Variants in GRIP1 observed in about 807,000 individuals in gnomAD.
GRIP1 encodes glutamate receptor interacting protein 1, also known as glutamate receptor-interacting protein 1.
A neutral mutation model predicts 129.9 loss-of-function variants in GRIP1; 45 were observed. The ratio of observed to expected loss-of-function variants is 0.35; its 90% CI spans 0.27 to 0.44. The LOEUF is 0.44. GRIP1 is among the 20% of genes least tolerant of loss of function. GRIP1 has a pLI of 1.00. For missense variants in GRIP1, 1,196 were observed against 1,396.8 expected, an observed-to-expected ratio of 0.86 and a Z score of 2.29; for synonymous variants, 530 against 520.8, an observed-to-expected ratio of 1.02 and a Z score of -0.24.
chr12:66,710,283 GGA>G (rs1366966591), intron 1 of GRIP1, among the ~76,000 whole-genome samples: 3 of 151,970 alleles, frequency 2.0e-5, no homozygotes, highest in South Asian at 2.1e-4. Context: ...CTGCCCTTTG[GGA>G]GATTATGAAC....
chr12:66,944,228 C>T (rs148131254), intron 1 of GRIP1, among the ~76,000 whole-genome samples: 150 of 152,184 alleles, frequency 9.9e-4, no homozygotes, highest in African/African-American at 3.4e-3. Flanking sequence ...TAAAGGGACT[C>T]GATAATCTCA....
chr12:66,604,592 T>A (rs2064427788), intron 1 of GRIP1, among the ~76,000 whole-genome samples: 1 of 152,252 alleles, frequency 6.6e-6, no homozygotes, highest in African/African-American at 2.4e-5. Context: ...GAGAGGGCTA[T>A]GTGCTTTAAA....
intron 1 of GRIP1, among the ~76,000 whole-genome samples, chr12:66,847,487 C>G (rs1174006372): frequency 6.6e-6 from 1 of 152,078 alleles, no homozygotes; most frequent in African/African-American, 2.4e-5. Context: ...CAGCTATATG[C>G]TTTAATTTTA....
chr12:66,804,924 T>C (rs1446604548), upstream of GRIP1, among the ~76,000 whole-genome samples: 5 of 152,210 alleles, frequency 3.3e-5, no homozygotes, highest in Non-Finnish European at 7.3e-5. Context: ...GGGAGAAGGC[T>C]CAGCAGCTGC....
chr12:66,510,521 T>A (rs1050578569), intron 7 of GRIP1, among the ~76,000 whole-genome samples: 3 of 152,188 alleles, frequency 2.0e-5, no homozygotes, highest in African/African-American at 7.2e-5. Context: ...TTGACAGGCA[T>A]CTCAGACTTA....
At position 66,764,098 on chromosome 12, in the gene GRIP1, T is replaced by G. The variant is rs758203160; in HGVS notation, c.-420+39955A>C. On this transcript the variant is annotated intron_variant, in intron 1 of 4. Coordinates refer to the GRIP1 transcript ENST00000538373. ...GATGTGGACCATGCAGAGGGGCCATTTGGCTGTCCAAATCAAAACTAGATA... is the reference window on the plus strand; with the variant it reads ...GATGTGGACCATGCAGAGGGGCCATGTGGCTGTCCAAATCAAAACTAGATA... 1.6e-4 allele frequency among the ~76,000 whole-genome samples: 25 copies of G among 152,202 alleles called. 1 individual carries two copies. The highest frequency in any genetic ancestry group is 3.4e-4 in the Non-Finnish European group (23 of 68,042).
At chr12:66,580,520 A>G (rs2063332521) in intron 2 of GRIP1, among the ~76,000 whole-genome samples, 1 of 152,052 alleles carries the variant, frequency 6.6e-6, no homozygotes. Context: ...CCCATCTCAC[A>G]TGCAGAGACA....
intron 1 of GRIP1, among the ~76,000 whole-genome samples, chr12:66,602,386 CG>C (rs11330149): frequency 0.56 from 85,491 of 151,734 alleles, 25,263 homozygotes; most frequent in African/African-American, 0.71. Flanking sequence ...ACTACAATCA[CG>C]GGGGCCCCGC....
At chr12:66,908,562 A>G (rs1334828741) in intron 1 of GRIP1, among the ~76,000 whole-genome samples, 1 of 152,216 alleles carries the variant, frequency 6.6e-6, no homozygotes, top group Non-Finnish European at 1.5e-5. Flanking sequence ...AACAAATATG[A>G]TCTGAAGAAA....
intron 1 of GRIP1, among the ~76,000 whole-genome samples, chr12:67,004,102 GTA>G (rs1307986552): frequency 4.6e-5 from 7 of 152,168 alleles, no homozygotes; most frequent in Admixed American, 2.0e-4. Flanking sequence ...GTAGTCCAGG[GTA>G]ATCTCATCTC....
At chr12:66,911,618 C>T (rs372921239) in intron 1 of GRIP1, among the ~76,000 whole-genome samples, 39 of 152,188 alleles carry the variant, frequency 2.6e-4, no homozygotes, top group African/African-American at 8.2e-4. Context: ...GTTCCTGGTG[C>T]TCTCCTAGAA....
chr12:66,372,250 C>T, intron 22 of GRIP1: 1 of 425,116 alleles, frequency 2.4e-6, no homozygotes, highest in Non-Finnish European at 4.4e-6. Context: ...TAAGCATTCA[C>T]TTTCCACTCA....
chr12:66,790,891 G>C (rs2038511418), intron 1 of GRIP1, among the ~76,000 whole-genome samples: 1 of 152,112 alleles, frequency 6.6e-6, no homozygotes, highest in Non-Finnish European at 1.5e-5. Flanking sequence ...AGAGTTAAGG[G>C]GAAGGAGCGG....
At chr12:66,778,563 C>A (rs915315271) in intron 1 of GRIP1, among the ~76,000 whole-genome samples, 2 of 152,128 alleles carry the variant, frequency 1.3e-5, no homozygotes, top group African/African-American at 2.4e-5. Context: ...GCCCTACCAC[C>A]AAGCAAGCAG....
At chr12:66,655,578 A>G (rs2033100049) in intron 1 of GRIP1, among the ~76,000 whole-genome samples, 2 of 150,884 alleles carry the variant, frequency 1.3e-5, no homozygotes. Flanking sequence ...TCCACCATAC[A>G]CTAATATTTT....
rs530751161 is a variant in GRIP1, at chr12:66,445,462, G to A, written c.1401C>T (p.His467=). ...TCAGCACAACCTCTGTGGTTTCTGTGTGAACAACCTGCCCAGCCAATCCTA... is the reference window on the plus strand; with the variant it reads ...TCAGCACAACCTCTGTGGTTTCTGTATGAACAACCTGCCCAGCCAATCCTA... ...STVGLAGQVV[H]TETTEVVLTA... The change falls in exon 12 of 25, where the codon CAC becomes CAT. Residue 467 remains histidine, a synonymous_variant. Coordinates refer to ENST00000359742, the MANE Select transcript of GRIP1 (RefSeq NM_001366722.1). The A allele has an allele frequency of 1.1e-5, 17 of 1,614,072 alleles. No homozygotes were observed. The highest frequency in any genetic ancestry group is 1.2e-5 in the Non-Finnish European group (14 of 1,179,976).
intron 1 of GRIP1, among the ~76,000 whole-genome samples, chr12:66,899,417 G>A (rs1427818417): frequency 6.6e-6 from 1 of 152,018 alleles, no homozygotes; most frequent in Non-Finnish European, 1.5e-5. Context: ...AGGCAGGAAT[G>A]CAGTGGCACG....
chr12:66,732,379 C>G (rs1344867901), intron 1 of GRIP1, among the ~76,000 whole-genome samples: 1 of 152,066 alleles, frequency 6.6e-6, no homozygotes, highest in East Asian at 1.9e-4. Flanking sequence ...TAGTGAGACC[C>G]TGTTTCTAAA....
At chr12:66,896,117 C>T (rs2137250301) in intron 1 of GRIP1, among the ~76,000 whole-genome samples, 1 of 152,250 alleles carries the variant, frequency 6.6e-6, no homozygotes, top group East Asian at 1.9e-4. Context: ...TAAAGTATAG[C>T]TAGAACTGGA....
Sources: allele counts gnomAD v4.1 joint callset (sites outside exome capture counted in the v4.1 genomes callset), GRCh38; gene constraint gnomAD v4.1.1; transcripts MANE v1.5; gene names NCBI Gene and HGNC (gene_info 2026-07-23, HGNC 2026-07-21).